Variants in ELF2 observed in about 807,000 individuals in gnomAD.
ELF2 encodes ETS-related transcription factor Elf-2.
A neutral mutation model predicts 54.8 loss-of-function variants in ELF2; 11 were observed. The ratio of observed to expected loss-of-function variants is 0.20; its 90% CI spans 0.13 to 0.33. The LOEUF (loss-of-function observed/expected upper bound fraction) is 0.33. Among genes scored for constraint, ELF2 ranks in the 10% least tolerant of loss-of-function variants. ELF2 has a pLI of 1.00. For missense variants in ELF2, 513 were observed against 703.0 expected (o/e 0.73, Z 3.06); for synonymous variants, 203 against 245.1 (o/e 0.83, Z 1.61).
chr4:139,134,584 ATTTAT>A (rs142478360), intron 3 of ELF2, among the ~76,000 whole-genome samples: 88,465 of 139,738 alleles, frequency 0.63, 28,442 homozygotes, highest in Middle Eastern at 0.79. Context: ...TTTATGTTAT[ATTTAT>A]TTTATTTTAT....
intron 1 of ELF2, among the ~76,000 whole-genome samples, chr4:139,157,647 T>C (rs1031641596): frequency 3.9e-5 from 6 of 152,082 alleles, no homozygotes; most frequent in Non-Finnish European, 5.9e-5. Flanking sequence ...CAAGCAATCC[T>C]CCCATCTCAG....
chr4:139,095,069 T>C (rs952676329), intron 4 of ELF2, among the ~76,000 whole-genome samples: 2 of 152,196 alleles, frequency 1.3e-5, no homozygotes, highest in African/African-American at 2.4e-5. Flanking sequence ...TCTTCTGATC[T>C]TTATGCCTTT....
chr4:139,165,332 T>C (rs1233528006), intron 1 of ELF2, among the ~76,000 whole-genome samples: 1 of 152,236 alleles, frequency 6.6e-6, no homozygotes, highest in Non-Finnish European at 1.5e-5. Flanking sequence ...TTAAACCTTT[T>C]GACATCTTTG....
chr4:139,073,860 G>C (rs1055454783), intron 4 of ELF2: 7 of 165,140 alleles, frequency 4.2e-5, no homozygotes, highest in African/African-American at 1.2e-4. Flanking sequence ...GCCAGGCATG[G>C]TGGTTCATGC....
intron 1 of ELF2, among the ~76,000 whole-genome samples, chr4:139,167,031 T>C (rs1578980730): frequency 6.6e-6 from 1 of 152,218 alleles, no homozygotes; most frequent in East Asian, 1.9e-4. Context: ...ATAATACTTA[T>C]CTCAACAAAA....
Position 139,119,647 on chromosome 4 carries a change from C to A in ELF2, c.238+5517G>T, listed in dbSNP as rs1044957264. The stretch of plus-strand genomic sequence containing the variant: ...GTCTGCAGTACTGCCCTGTCTCTTA[C>A]GGGTACCTTATATTTGCCTACATGT... On this transcript the variant is annotated intron_variant, in intron 4 of 9. Transcript: ENST00000686138. 2.0e-5 allele frequency among the ~76,000 whole-genome samples: 3 copies of A among 152,196 alleles called. No individual in the cohort carries two copies. The East Asian group carries it at 5.8e-4, about 29-fold the overall frequency.
At chr4:139,139,798 T>C (rs1172661900) in intron 1 of ELF2, among the ~76,000 whole-genome samples, 1 of 152,130 alleles carries the variant, frequency 6.6e-6, no homozygotes, top group Admixed American at 6.5e-5. Context: ...TCTTTTTTTT[T>C]TCTCCATTGG....
chr4:139,137,766 C>A lies in ELF2; in HGVS notation c.-65G>T. 1 of 1,605,072 alleles carries A rather than the reference C, an allele frequency of 6.2e-7. No individual in the cohort carries two copies. Among genetic ancestry groups the A allele is most frequent in the Non-Finnish European group, 8.5e-7 (1 of 1,176,656 alleles). The stretch of plus-strand genomic sequence containing the variant: ...GAAATTAAAGGTTCACTGATGGTTG[C>A]CAGTGTTATAGGTTTGCATTATCAT... On this transcript the variant is annotated 5_prime_UTR_variant, in exon 3 of 10. Transcript: ENST00000686138.
chr4:139,169,390 G>GCCA (rs1560892935), intron 1 of ELF2, among the ~76,000 whole-genome samples: 2 of 149,596 alleles, frequency 1.3e-5, no homozygotes, highest in Non-Finnish European at 3.0e-5. Flanking sequence ...ACTCATAAAG[G>GCCA]CCACAACCCT....
At chr4:139,060,722 C>G in intron 8 of ELF2, 48 bp from the exon 9 acceptor site, 5 of 1,457,244 alleles carry the variant, frequency 3.4e-6, no homozygotes, top group Non-Finnish European at 4.6e-6. Flanking sequence ...TATTTCTTCA[C>G]CCCACTCCAC....
At chr4:139,133,856 C>T (rs573582383) in intron 3 of ELF2, among the ~76,000 whole-genome samples, 28 of 152,274 alleles carry the variant, frequency 1.8e-4, no homozygotes, top group African/African-American at 6.5e-4. Flanking sequence ...TATACACTCA[C>T]CTCATATCCT....
intron 1 of ELF2, among the ~76,000 whole-genome samples, chr4:139,142,846 G>A (rs927757208): frequency 2.0e-5 from 3 of 149,704 alleles, no homozygotes; most frequent in Admixed American, 2.0e-4. Context: ...CAGTTTGGGC[G>A]ACAGAGTGAG....
intron 4 of ELF2, among the ~76,000 whole-genome samples, chr4:139,110,144 G>GT (rs1488817840): frequency 1.3e-5 from 2 of 152,154 alleles, no homozygotes; most frequent in Non-Finnish European, 2.9e-5. Context: ...TCAAAGCTAT[G>GT]TCTGTGCTAT....
At chr4:139,069,972 C>CT (rs1560765400) in intron 6 of ELF2, among the ~76,000 whole-genome samples, 1 of 151,808 alleles carries the variant, frequency 6.6e-6, no homozygotes, top group African/African-American at 2.4e-5. Context: ...TCCCGAGTAG[C>CT]TAGGACTACA....
intron 4 of ELF2, among the ~76,000 whole-genome samples, chr4:139,084,725 A>T (rs763784794): frequency 1.2e-4 from 18 of 152,188 alleles, no homozygotes; most frequent in Non-Finnish European, 2.2e-4. Flanking sequence ...AAGCAATCTA[A>T]TACCTAGTCC....
chr4:139,147,428 G>C (rs1470346764), intron 1 of ELF2, among the ~76,000 whole-genome samples: 5 of 152,186 alleles, frequency 3.3e-5, no homozygotes, highest in Non-Finnish European at 5.9e-5. Context: ...CTTATGCACT[G>C]CTAGTGGAAA....
intron 1 of ELF2, among the ~76,000 whole-genome samples, chr4:139,167,762 T>C (rs1741870287): frequency 6.6e-6 from 1 of 152,180 alleles, no homozygotes; most frequent in South Asian, 2.1e-4. Context: ...GTACTCGAAG[T>C]CTGAGCCACA....
At chr4:139,127,795 TC>T (rs1737073556) in intron 3 of ELF2, among the ~76,000 whole-genome samples, 1 of 151,856 alleles carries the variant, frequency 6.6e-6, no homozygotes, top group Non-Finnish European at 1.5e-5. Context: ...TAAAACCCCA[TC>T]CCTACTAAAA....
intron 1 of ELF2, among the ~76,000 whole-genome samples, chr4:139,168,510 G>A (rs1741939272): frequency 6.6e-6 from 1 of 152,082 alleles, no homozygotes; most frequent in Non-Finnish European, 1.5e-5. Flanking sequence ...TCTTAATAAT[G>A]GATTCCCGGC....
Sources: allele counts gnomAD v4.1 joint callset (sites outside exome capture counted in the v4.1 genomes callset), GRCh38; gene constraint gnomAD v4.1.1; transcripts MANE v1.5; gene names NCBI Gene and HGNC (gene_info 2026-07-23, HGNC 2026-07-21).